AMMECR1: variants seen among roughly 807,000 people sequenced by gnomAD.
AMMECR1 encodes the protein AMMECR nuclear protein 1.
AMMECR1 carries 3 observed loss-of-function variants against 22.5 expected under a neutral mutation model. The ratio of observed to expected loss-of-function variants is 0.13; its 90% CI spans 0.06 to 0.35. The LOEUF is 0.35. Ranked by LOEUF, AMMECR1 falls within the 10% of genes least tolerant of loss-of-function variation. The pLI, the probability that AMMECR1 is intolerant of heterozygous loss-of-function variation, is 1.00. For missense variants in AMMECR1, 235 were observed against 278.7 expected, an observed-to-expected ratio of 0.84 and a Z score of 1.12; for synonymous variants, 130 against 116.7, an observed-to-expected ratio of 1.11 and a Z score of -0.74.
chrX:110,429,345 A>C (rs977169761), intron 1 of AMMECR1, among the ~76,000 whole-genome samples: 6 of 111,401 alleles, frequency 5.4e-5, no homozygotes, highest in African/African-American at 2.0e-4. Flanking sequence ...TTGCCAAAAA[A>C]CAGTAGACAC....
chrX:110,385,245 T>C (rs2068447179), intron 2 of AMMECR1, among the ~76,000 whole-genome samples: 1 of 111,546 alleles, frequency 9.0e-6, no homozygotes, highest in Non-Finnish European at 1.9e-5. Context: ...TTTGTGAGGG[T>C]TAAATGAGTT....
At chrX:110,404,793 CTAAT>C (rs1347458305) in intron 2 of AMMECR1, among the ~76,000 whole-genome samples, 1 of 111,537 alleles carries the variant, frequency 9.0e-6, no homozygotes, top group African/African-American at 3.3e-5. Context: ...GTTAAACTCA[CTAAT>C]TAAGCCTGTT....
chrX:110,311,164 C>A (rs763298118), intron 1 of AMMECR1, among the ~76,000 whole-genome samples: 1 of 111,423 alleles, frequency 9.0e-6, no homozygotes, highest in Non-Finnish European at 1.9e-5. Context: ...GTGACAGCAA[C>A]GGGTTTAAGA....
intron 3 of AMMECR1, among the ~76,000 whole-genome samples, chrX:110,214,036 G>C (rs1260978658): frequency 7.2e-5 from 8 of 110,766 alleles, no homozygotes; most frequent in African/African-American, 2.6e-4. Context: ...GGCCGAGGTG[G>C]GTGGATCACG....
intron 3 of AMMECR1, among the ~76,000 whole-genome samples, chrX:110,210,058 C>T (rs1230437209): frequency 3.6e-5 from 4 of 110,858 alleles, no homozygotes; most frequent in African/African-American, 1.3e-4. Context: ...GACTAATCAG[C>T]AGCGCATTTT....
At chrX:110,314,145 G>A (rs143200709) in intron 1 of AMMECR1, among the ~76,000 whole-genome samples, 1,235 of 111,725 alleles carry the variant, frequency 0.011, 17 homozygotes, top group African/African-American at 0.039. Context: ...TTTAATGTGC[G>A]TAAGAATCAC....
At chrX:110,366,067 G>C (rs901060046) in intron 2 of AMMECR1, among the ~76,000 whole-genome samples, 1 of 111,558 alleles carries the variant, frequency 9.0e-6, no homozygotes, top group African/African-American at 3.3e-5. Flanking sequence ...GGCCCGGGGA[G>C]GACATGTGTT....
At chrX:110,392,029 C>A (rs1265955877) in intron 2 of AMMECR1, among the ~76,000 whole-genome samples, 1 of 112,004 alleles carries the variant, frequency 8.9e-6, no homozygotes, top group Non-Finnish European at 1.9e-5. Context: ...ATAAAGTTCC[C>A]ATGAGAGTAT....
chrX:110,228,830 C>A (rs2067547419), intron 2 of AMMECR1, among the ~76,000 whole-genome samples: 1 of 111,985 alleles, frequency 8.9e-6, no homozygotes. Flanking sequence ...TCTCACCTCG[C>A]AGTTCATCCA....
intron 2 of AMMECR1, among the ~76,000 whole-genome samples, chrX:110,221,434 G>A (rs749903361): frequency 7.2e-4 from 80 of 111,599 alleles, no homozygotes; most frequent in Admixed American, 1.4e-3. Flanking sequence ...ATGTAAAAAT[G>A]TGCCTATTCA....
Position 110,201,039 on chromosome X carries a change from T to A in AMMECR1, c.802A>T (p.Ile268Leu). ...EVAKEQGWDH[I>L]QTIDSLLRKG... ...CTCAATAAGGAGTCTATGGTCTGTATATGGTCCCATCCTGTAGAGAGATGA... is the reference window on the plus strand; with the variant it reads ...CTCAATAAGGAGTCTATGGTCTGTAAATGGTCCCATCCTGTAGAGAGATGA... The change falls in exon 5 of 6, where the codon ATA becomes TTA. Residue 268 changes from isoleucine (I) to leucine (L), a missense_variant. By Grantham distance (5) the Ile-to-Leu change is conservative. This residue lies in a region of AMMECR1 where 111 missense variants were observed against 181.7 expected (regional missense o/e 0.61). Transcript: ENST00000262844. 1 of 1,182,003 alleles carries A rather than the reference T, an allele frequency of 8.5e-7. No individual in the cohort carries two copies. The highest frequency in any genetic ancestry group is 1.1e-6 in the Non-Finnish European group (1 of 869,997).
intron 2 of AMMECR1, among the ~76,000 whole-genome samples, chrX:110,339,592 G>A (rs1032594293): frequency 2.7e-5 from 3 of 110,705 alleles, no homozygotes; most frequent in East Asian, 5.7e-4. Context: ...CGCCTCCTGG[G>A]TTCAAGCGAT....
At chrX:110,224,375 T>G (rs1157179296) in intron 2 of AMMECR1, among the ~76,000 whole-genome samples, 1 of 111,655 alleles carries the variant, frequency 9.0e-6, no homozygotes, top group South Asian at 3.8e-4. Context: ...TATATGGATA[T>G]GTATAAAATA....
At chrX:110,425,150 C>T (rs2068744773) in intron 2 of AMMECR1, among the ~76,000 whole-genome samples, 1 of 112,170 alleles carries the variant, frequency 8.9e-6, no homozygotes, top group Non-Finnish European at 1.9e-5. Context: ...AAATTAAAAT[C>T]AAGGTTAATC....
rs939166293 is a variant in AMMECR1 at position 110,312,779 on chromosome X, T to TA, written c.473+4819dup. On this transcript the variant is annotated intron_variant, in intron 1 of 5. Transcript: ENST00000262844. ...GTCTTCCAATGGGAATCAACATTGT[T>TA]AAAAAAAAACAACCATATTATACCT... 1.9e-4 allele frequency among the ~76,000 whole-genome samples: 21 copies of TA among 109,793 alleles called. No homozygotes were observed. In the South Asian group the frequency reaches 2.3e-3, roughly 12 times the overall value.
At chrX:110,233,448 T>C (rs760437791) in intron 2 of AMMECR1, among the ~76,000 whole-genome samples, 1 of 111,984 alleles carries the variant, frequency 8.9e-6, no homozygotes, top group Non-Finnish European at 1.9e-5. Context: ...TGCCAATCAA[T>C]AGAAAAAGAG....
At chrX:110,425,440 C>T (rs1287110308) in intron 2 of AMMECR1, among the ~76,000 whole-genome samples, 1 of 112,946 alleles carries the variant, frequency 8.9e-6, no homozygotes, top group Non-Finnish European at 1.9e-5. Flanking sequence ...AATGGCAGGC[C>T]TAGGGCAGTG....
chrX:110,269,050 T>G (rs2148201092), intron 1 of AMMECR1, among the ~76,000 whole-genome samples: 1 of 112,284 alleles, frequency 8.9e-6, no homozygotes, highest in Admixed American at 9.4e-5. Flanking sequence ...CACTCCATTT[T>G]TTCATGTCTG....
chrX:110,439,000 G>C (rs1404153977), intron 1 of AMMECR1, among the ~76,000 whole-genome samples: 2 of 112,082 alleles, frequency 1.8e-5, no homozygotes, highest in African/African-American at 6.5e-5. Context: ...TCCTAGCCAA[G>C]ATATTTCTCC....
Sources: gnomAD v4.1 joint callset for allele counts (sites outside exome capture counted in the v4.1 genomes callset) on GRCh38, gnomAD v4.1.1 for gene constraint, gnomAD v4.1.1 regional missense constraint, MANE v1.5 for transcripts, NCBI Gene and HGNC (gene_info 2026-07-23, HGNC 2026-07-21) for gene names.